The following SDCCAG8 variants were observed in gnomAD, a reference collection of about 807,000 sequenced individuals.
SDCCAG8 encodes the protein serologically defined colon cancer antigen 8.
SDCCAG8 carries 74 observed loss-of-function variants against 101.8 expected under a neutral mutation model. That is an observed-to-expected ratio of 0.73 (90% CI 0.60 to 0.88). The LOEUF is 0.88. Among genes scored for constraint, SDCCAG8 ranks in the 40% least tolerant of loss-of-function variants. The probability of loss-of-function intolerance (pLI) is 0.00; values close to 1 mark genes in which losing one functional copy is unlikely to be tolerated. For missense variants in SDCCAG8, 787 were observed against 822.6 expected (o/e 0.96, Z 0.53); for synonymous variants, 281 against 292.9 (o/e 0.96, Z 0.41).
rs139276169 is a variant in SDCCAG8, at chr1:243,276,949, G to A, written c.420+2293G>A. 1.4e-3 allele frequency among the ~76,000 whole-genome samples: 215 copies of A among 152,132 alleles called. 1 individual carries two copies. Among genetic ancestry groups the A allele is most frequent in the African/African-American group, 4.9e-3 (205 of 41,510 alleles). ...ATTATACTTAGTAATATGAATTCAA[G>A]TTTCCTCCTTGTCTTTTCATAACTT... On this transcript the variant is annotated intron_variant, in intron 4 of 17. Coordinates refer to ENST00000366541, the MANE Select transcript of SDCCAG8 (RefSeq NM_006642.5).
chr1:243,460,736 A>G (rs780453757), intron 16 of SDCCAG8, among the ~76,000 whole-genome samples: 6 of 152,184 alleles, frequency 3.9e-5, no homozygotes, highest in African/African-American at 1.4e-4. Context: ...GGCCACACCA[A>G]TAAGTCCCCA....
intron 16 of SDCCAG8, among the ~76,000 whole-genome samples, chr1:243,484,134 G>T (rs1056111822): frequency 1.3e-5 from 2 of 152,232 alleles, no homozygotes; most frequent in Admixed American, 6.5e-5. Context: ...ACGCCAGGCC[G>T]ATCCCTCCTG....
At chr1:243,407,830 C>T (rs2079891431) in intron 13 of SDCCAG8, among the ~76,000 whole-genome samples, 1 of 152,090 alleles carries the variant, frequency 6.6e-6, no homozygotes, top group South Asian at 2.1e-4. Flanking sequence ...TAATTTACTC[C>T]AGGAAATATG....
chr1:243,265,722 A>T (rs2067528004), intron 1 of SDCCAG8, among the ~76,000 whole-genome samples: 1 of 152,134 alleles, frequency 6.6e-6, no homozygotes. Context: ...CTGAGGCAGG[A>T]AAAATGCTTG....
In SDCCAG8 at chr1:243,414,273, G is replaced by C. The variant is rs547899053; in HGVS notation, c.1617-1429G>C. ...GGGGGATTGAGTGGGCAGGTGGAGG[G>C]GCTTTCCAGGAAGAGGAAGAGACAT... On this transcript the variant is annotated intron_variant, in intron 13 of 17. Transcript: ENST00000366541. Among the ~76,000 whole-genome samples the C allele has an allele frequency of 8.5e-5, 13 of 152,164 alleles. No individual in the cohort carries two copies. The East Asian group carries it at 1.9e-3, about 23-fold the overall frequency.
At chr1:243,432,465 T>C (rs902498866) in intron 16 of SDCCAG8, among the ~76,000 whole-genome samples, 2 of 152,110 alleles carry the variant, frequency 1.3e-5, no homozygotes, top group Non-Finnish European at 2.9e-5. Flanking sequence ...TATAATCTCT[T>C]CACAATCTCC....
At chr1:243,291,242 A>G (rs1256837870) in intron 5 of SDCCAG8, among the ~76,000 whole-genome samples, 3 of 152,220 alleles carry the variant, frequency 2.0e-5, no homozygotes, top group Non-Finnish European at 4.4e-5. Context: ...TTGTACACAT[A>G]AATTCCCCAG....
chr1:243,357,779 C>T (rs993042635), intron 12 of SDCCAG8, among the ~76,000 whole-genome samples: 1 of 152,124 alleles, frequency 6.6e-6, no homozygotes, highest in Non-Finnish European at 1.5e-5. Flanking sequence ...GGAGAGGGTC[C>T]AGAAAGATTT....
chr1:243,391,589 A>C (rs2078701893), intron 13 of SDCCAG8, among the ~76,000 whole-genome samples: 1 of 152,172 alleles, frequency 6.6e-6, no homozygotes, highest in South Asian at 2.1e-4. Context: ...GGGTAGAGAG[A>C]GAGAGCCACA....
intron 12 of SDCCAG8, among the ~76,000 whole-genome samples, chr1:243,357,209 C>T (rs1201726721): frequency 1.3e-5 from 2 of 151,930 alleles, no homozygotes; most frequent in Admixed American, 1.3e-4. Flanking sequence ...GAAATCCCAT[C>T]TCTACTAAAA....
At chr1:243,496,881 T>C (rs903440099) in intron 17 of SDCCAG8, among the ~76,000 whole-genome samples, 1 of 152,238 alleles carries the variant, frequency 6.6e-6, no homozygotes, top group African/African-American at 2.4e-5. Context: ...TTAGCAGCTG[T>C]GTGCCTGCAG....
At chr1:243,455,854 A>G (rs1350649150) in intron 16 of SDCCAG8, among the ~76,000 whole-genome samples, 2 of 152,272 alleles carry the variant, frequency 1.3e-5, no homozygotes, top group Non-Finnish European at 2.9e-5. Context: ...TGTGTGTGCC[A>G]CATTTCAAGT....
intron 1 of SDCCAG8, among the ~76,000 whole-genome samples, chr1:243,266,184 A>T (rs2067567671): frequency 6.6e-6 from 1 of 152,242 alleles, no homozygotes; most frequent in Non-Finnish European, 1.5e-5. Context: ...TGAGAACATC[A>T]ATTTTGAAAT....
chr1:243,262,503 A>G (rs2067272685), intron 1 of SDCCAG8, among the ~76,000 whole-genome samples: 1 of 152,224 alleles, frequency 6.6e-6, no homozygotes, highest in South Asian at 2.1e-4. Flanking sequence ...TACTGATGAG[A>G]TAAAATTGGC....
Position 243,472,984 on chromosome 1 carries a change from A to G in SDCCAG8, c.1986-16030A>G, listed in dbSNP as rs561626592. Among the ~76,000 whole-genome samples the G allele has an allele frequency of 7.6e-4, 116 of 151,866 alleles. 1 individual carries two copies. Among genetic ancestry groups the G allele is most frequent in the Non-Finnish European group, 1.3e-3 (89 of 67,998 alleles). ...TTTGTATTTAAAATTTATCTCATAT[A>G]CCTAGGTTTTAAAACACGTTTTTAA... is the stretch of plus-strand genomic sequence containing the variant. On this transcript the variant is annotated intron_variant, in intron 16 of 17. Transcript: ENST00000366541.
intron 16 of SDCCAG8, among the ~76,000 whole-genome samples, chr1:243,476,998 G>GTA (rs1426114824): frequency 4.7e-5 from 5 of 107,018 alleles, no homozygotes; most frequent in Non-Finnish European, 9.7e-5. Context: ...AACTGGTTCT[G>GTA]TACACACACA....
intron 15 of SDCCAG8, among the ~76,000 whole-genome samples, chr1:243,421,442 T>C (rs996956250): frequency 3.3e-5 from 5 of 152,182 alleles, no homozygotes; most frequent in Non-Finnish European, 7.3e-5. Context: ...AAATGGTACC[T>C]CCGTGTGTGT....
At position 243,322,859 on chromosome 1, in the gene SDCCAG8, G is replaced by A. The variant is rs148572939; in HGVS notation, c.1068+5966G>A. ...CATTTAACAAAGCCACTTAATAGCC[G>A]GGCGCAGTGGCTCACGCCTGTAATC... On this transcript the variant is annotated intron_variant, in intron 9 of 17. Coordinates refer to ENST00000366541, the MANE Select transcript of SDCCAG8 (RefSeq NM_006642.5). Among the ~76,000 whole-genome samples the A allele has an allele frequency of 1.3e-3, 202 of 151,834 alleles. 3 individuals carry two copies. In the East Asian group the frequency reaches 0.015, roughly 12 times the overall value.
intron 10 of SDCCAG8, among the ~76,000 whole-genome samples, chr1:243,331,812 G>A (rs2074615673): frequency 6.6e-6 from 1 of 152,154 alleles, no homozygotes; most frequent in African/African-American, 2.4e-5. Flanking sequence ...ATATTAACCA[G>A]AGGGGCTGGG....
Sources: allele counts gnomAD v4.1 joint callset (sites outside exome capture counted in the v4.1 genomes callset), GRCh38; gene constraint gnomAD v4.1.1; transcripts MANE v1.5; gene names NCBI Gene and HGNC (gene_info 2026-07-23, HGNC 2026-07-21).